Variants in EP400 observed in about 807,000 individuals in gnomAD.
EP400 encodes E1A-binding protein p400.
In EP400, 105 loss-of-function variants were observed where a neutral mutation model predicts 354.1. The ratio of observed to expected loss-of-function variants is 0.30; its 90% CI spans 0.25 to 0.35. The LOEUF (loss-of-function observed/expected upper bound fraction) is 0.35. EP400 is among the 10% of genes least tolerant of loss of function. EP400 has a pLI of 1.00. For synonymous variants in EP400, 1,646 were observed against 1,716.9 expected, an observed-to-expected ratio of 0.96 and a Z score of 1.02; for missense variants, 3,280 against 4,121.0, an observed-to-expected ratio of 0.80 and a Z score of 5.59.
At chr12:131,991,187 A>G (rs1375035911) in intron 9 of EP400, among the ~76,000 whole-genome samples, 1 of 152,108 alleles carries the variant, frequency 6.6e-6, no homozygotes, top group Non-Finnish European at 1.5e-5. Flanking sequence ...CCCATTATTG[A>G]TGAGGAACCC....
In EP400 at chr12:132,077,654, C is replaced by T; in HGVS notation, c.9353C>T (p.Thr3118Ile). ...RVPAVRLKTPTKPPCQ is the reference protein window; with the variant it reads ...RVPAVRLKTPIKPPCQ ...CCTGCTGTCAGGCTAAAGACACCTA[C>T]TAAGCCTCCGTGCCAGTAGTCAGGG... Residue 3118 changes from threonine (T) to isoleucine (I), a missense_variant, in exon 53 of 53, where the codon ACT becomes ATT. Physicochemically the swap from Thr to Ile is moderately conservative, Grantham distance 89. Transcript: ENST00000389561. The T allele has an allele frequency of 6.2e-7, 1 of 1,611,018 alleles. No individual in the cohort carries two copies. Among genetic ancestry groups the T allele is most frequent in the Non-Finnish European group, 8.5e-7 (1 of 1,178,356 alleles).
intron 12 of EP400, among the ~76,000 whole-genome samples, chr12:131,999,499 C>G (rs1304411168): frequency 6.6e-6 from 1 of 152,134 alleles, no homozygotes; most frequent in Non-Finnish European, 1.5e-5. Flanking sequence ...AGTGCAGTGG[C>G]ACGATCTCAG....
Position 132,027,563 on chromosome 12 carries a change from G to C in EP400, c.5109+32G>C. 1 of 1,558,676 alleles carries C rather than the reference G, an allele frequency of 6.4e-7. No homozygotes were observed. Among genetic ancestry groups the C allele is most frequent in the South Asian group, 1.2e-5 (1 of 85,430 alleles). ...ACCTGAGCTTGAGACCCCGGTGCAC[G>C]TGGACAGGTAGCTTTCCAAGAGCTG... On this transcript the variant is annotated intron_variant, in intron 26 of 52. Transcript: ENST00000389561. The surrounding 1 kb of genome is among the most constrained non-coding windows in gnomAD (Gnocchi z 4.9).
At chr12:131,987,668 C>T in intron 6 of EP400, 37 bp from the exon 7 acceptor site, 1 of 1,523,470 alleles carries the variant, frequency 6.6e-7, no homozygotes, top group Non-Finnish European at 8.8e-7. Context: ...ACACTCATCA[C>T]ATGCCGACCC....
intron 51 of EP400, among the ~76,000 whole-genome samples, chr12:132,069,943 CTT>C (rs1896020945): frequency 6.6e-6 from 1 of 152,028 alleles, no homozygotes; most frequent in Non-Finnish European, 1.5e-5. Flanking sequence ...TTCCTGGTGT[CTT>C]TTTTAAAAAT....
At chr12:131,982,573 T>C in intron 5 of EP400, 95 bp downstream of exon 5, 1 of 1,461,542 alleles carries the variant, frequency 6.8e-7, no homozygotes. Flanking sequence ...CTGTAATTTG[T>C]GTATTTTCTC....
rs1894360390 is a variant in EP400, at chr12:132,027,884, C to T, written c.5110-133C>T. The stretch of plus-strand genomic sequence containing the variant: ...TCGGCTTCATTTCTATCTCTATTTC[C>T]TGTAACACAAGACCGGGGATATTGA... On this transcript the variant is annotated intron_variant, in intron 26 of 52. Coordinates refer to ENST00000389561, the MANE Select transcript of EP400 (RefSeq NM_015409.5). The surrounding 1 kb of genome is among the most constrained non-coding windows in gnomAD (Gnocchi z 4.9). 1.0e-6 allele frequency: 1 copy of T among 966,406 alleles called. No homozygotes were observed. Among genetic ancestry groups the T allele is most frequent in the African/African-American group, 1.6e-5 (1 of 60,848 alleles). 59.9% of individuals were successfully genotyped at this position (966,406 alleles called of 1,614,324 possible).
In EP400 at chr12:132,073,438, G is replaced by A. The variant is rs531657934; in HGVS notation, c.9022-3078G>A. Among the ~76,000 whole-genome samples, 12 of 125,256 alleles carry A rather than the reference G, an allele frequency of 9.6e-5. No homozygotes were observed. In the South Asian group the frequency reaches 2.3e-3, roughly 24 times the overall value. The allele number at this position is 125,256 out of a possible 152,430, so 82.2% of individuals were successfully genotyped here. ...ATCTCAAATGCTGCTGTTAGTGTGC[G>A]TTTTAATTCTGTCCCTTTTCCTTTT... On this transcript the variant is annotated intron_variant, in intron 51 of 52. Transcript: ENST00000389561.
At chr12:131,991,524 T>A in intron 10 of EP400, 68 bp downstream of exon 10, 1 of 1,400,070 alleles carries the variant, frequency 7.1e-7, no homozygotes, top group Admixed American at 1.7e-5. Flanking sequence ...GTGGGCCTTT[T>A]CATTCTTATC....
Position 132,067,259 on chromosome 12 carries a change from A to G in EP400, c.8750-103A>G. 7 of 1,491,196 alleles carry G rather than the reference A, an allele frequency of 4.7e-6. No individual in the cohort carries two copies. Among genetic ancestry groups the G allele is most frequent in the Non-Finnish European group, 6.3e-6 (7 of 1,107,242 alleles). 92.4% of individuals were successfully genotyped at this position (1,491,196 alleles called of 1,614,324 possible). A position where few individuals can be genotyped will look rare whatever the true frequency, so the allele number is the denominator to read the frequency against. On this transcript the variant is annotated intron_variant, in intron 49 of 52. Coordinates refer to ENST00000389561, the MANE Select transcript of EP400 (RefSeq NM_015409.5). The surrounding 1 kb of genome is among the most constrained non-coding windows in gnomAD (Gnocchi z 5.3). ...CTTACTTGTCTCCATAGAGTTTCAT[A>G]GTTTGTTATTTTCTGTAGAGGTGAG...
In EP400 at chr12:132,037,688, G is replaced by A; in HGVS notation, c.5958G>A (p.Val1986=). The A allele has an allele frequency of 6.2e-7, 1 of 1,614,122 alleles. No homozygotes were observed. ...TTACATCTTTTGTTTGCAGGCTTGT[G>A]AGTGGCAATTCCATTGAAGAGAAAT... ...RCKDIHIYRL[V]SGNSIEEKLL... The change falls in exon 31 of 53, where the codon GTG becomes GTA. Residue 1986 remains valine (V), a synonymous_variant. Coordinates refer to ENST00000389561, the MANE Select transcript of EP400 (RefSeq NM_015409.5).
chr12:131,958,509 A>G (rs1358687252), intron 1 of EP400, among the ~76,000 whole-genome samples: 1 of 152,202 alleles, frequency 6.6e-6, no homozygotes, highest in East Asian at 1.9e-4. Flanking sequence ...TCATATATAC[A>G]TGTATTTCAG....
chr12:132,034,756 G>C (rs1200844508), intron 30 of EP400, among the ~76,000 whole-genome samples: 1 of 152,344 alleles, frequency 6.6e-6, no homozygotes, highest in African/African-American at 2.4e-5. Flanking sequence ...TTGGAGTGCT[G>C]CTCCCACGCC....
rs766261422 is a variant in EP400 at position 132,021,229 on chromosome 12, C to A, written c.4598C>A (p.Pro1533Gln). The A allele has an allele frequency of 2.5e-6, 4 of 1,576,024 alleles. No homozygotes were observed. Among genetic ancestry groups the A allele is most frequent in the African/African-American group, 2.7e-5 (2 of 74,468 alleles). The change falls in exon 23 of 53, where the codon CCG becomes CAG. Residue 1533 changes from proline to glutamine, a missense_variant. By Grantham distance (76) the Pro-to-Gln change is moderately conservative (BLOSUM62 -1). Transcript: ENST00000389561. ...TAQASTPGQP[P>Q]PQPQAPSHAA... is the part of the protein sequence containing the mutation. ...CAGGCCTCCACCCCAGGCCAGCCCCCGCCCCAGCCCCAGGCCCCCTCGCAC... is the reference window on the plus strand; with the variant it reads ...CAGGCCTCCACCCCAGGCCAGCCCCAGCCCCAGCCCCAGGCCCCCTCGCAC...
In EP400 at chr12:132,062,274, G is replaced by A; in HGVS notation, c.8049G>A (p.Leu2683=). 7 of 1,614,196 alleles carry A rather than the reference G, an allele frequency of 4.3e-6. No individual in the cohort carries two copies. Among genetic ancestry groups the A allele is most frequent in the Non-Finnish European group, 5.9e-6 (7 of 1,180,038 alleles). The change falls in exon 46 of 53, where the codon CTG becomes CTA. Residue 2683 remains leucine (L), a synonymous_variant. Coordinates refer to ENST00000389561, the MANE Select transcript of EP400 (RefSeq NM_015409.5). Reference sequence around the variant, plus strand: ...CCTCGGCCGTGGTCACTACCAACCTGACCCCAGTGCAGACCCCGGCACGGT... The same window carrying A: ...CCTCGGCCGTGGTCACTACCAACCTAACCCCAGTGCAGACCCCGGCACGGT... ...VTASAVVTTN[L]TPVQTPARSL... is the part of the protein sequence containing the mutation.
chr12:131,970,798 A>G (rs1593316075), intron 2 of EP400, among the ~76,000 whole-genome samples: 1 of 152,242 alleles, frequency 6.6e-6, no homozygotes, highest in African/African-American at 2.4e-5. Context: ...GTATAAGGAT[A>G]GTGAGGTGAT....
chr12:132,027,487 G>A lies in EP400; in HGVS notation c.5065G>A (p.Gly1689Arg), dbSNP rs201023473. ...GAATGCCTTGGCTGTAGGAGAACCC[G>A]GAACGGCCTCCAAACCAGCTTCTCC... ...AVNALAVGEP[G>R]TASKPASPIG... The change falls in exon 26 of 53, where the codon GGA becomes AGA. Residue 1689 changes from glycine (G) to arginine (R), a missense_variant. Coordinates refer to ENST00000389561, the MANE Select transcript of EP400 (RefSeq NM_015409.5). This position sits in a 1 kb window ranked among gnomAD's most constrained non-coding sequence, Gnocchi z 4.9. The A allele has an allele frequency of 2.5e-5, 40 of 1,613,882 alleles. No homozygotes were observed. The highest frequency in any genetic ancestry group is 8.9e-5 in the East Asian group (4 of 44,866).
chr12:132,064,955 T>G, intron 48 of EP400, 69 bp downstream of exon 48: 3 of 1,522,826 alleles, frequency 2.0e-6, no homozygotes, highest in Non-Finnish European at 2.6e-6. Context: ...CTGTTGCGCT[T>G]GCTCAGGTGC....
chr12:131,993,282 C>T (rs1336945344), intron 11 of EP400, among the ~76,000 whole-genome samples: 1 of 152,154 alleles, frequency 6.6e-6, no homozygotes, highest in Non-Finnish European at 1.5e-5. Context: ...GCCTCAGCCT[C>T]CCAAAGTGCT....
Sources: gnomAD v4.1 joint callset for allele counts (sites outside exome capture counted in the v4.1 genomes callset) on GRCh38, gnomAD v4.1.1 for gene constraint, Gnocchi (gnomAD v3.1) non-coding constraint, MANE v1.5 for transcripts, NCBI Gene and HGNC (gene_info 2026-07-23, HGNC 2026-07-21) for gene names.